CENPW: variants seen among roughly 807,000 people sequenced by gnomAD.
The protein encoded by CENPW is cancer-up-regulated gene 2 protein.
A neutral mutation model predicts 11.1 loss-of-function variants in CENPW; 3 were observed. The ratio of observed to expected loss-of-function variants is 0.27; its 90% confidence interval spans 0.12 to 0.70. CENPW has a LOEUF of 0.70. Ranked by LOEUF, CENPW falls within the 30% of genes least tolerant of loss-of-function variation. The pLI is 0.77. For synonymous variants in CENPW, 38 were observed against 42.0 expected (o/e 0.91, Z 0.37); for missense variants, 100 against 105.6 (o/e 0.95, Z 0.23).
chr6:126,433,695 A>G, the CENPW span, among the ~76,000 whole-genome samples: 4 of 152,168 alleles, frequency 2.6e-5, no homozygotes, highest in African/African-American at 9.6e-5. Flanking sequence ...ATAGTTTAAG[A>G]AAGTGCAATG....
At chr6:126,429,077 A>C in the CENPW span, among the ~76,000 whole-genome samples, 12 of 152,102 alleles carry the variant, frequency 7.9e-5, no homozygotes, top group Admixed American at 7.9e-4. Context: ...CCTGTTTCTC[A>C]TTATTAGACA....
the CENPW span, among the ~76,000 whole-genome samples, chr6:126,357,020 C>T: frequency 6.6e-6 from 1 of 152,110 alleles, no homozygotes; most frequent in Non-Finnish European, 1.5e-5. Flanking sequence ...TTTGCCAAGG[C>T]CAATGTTGAG....
chr6:126,407,121 C>T, the CENPW span, among the ~76,000 whole-genome samples: 2 of 152,088 alleles, frequency 1.3e-5, no homozygotes, highest in Non-Finnish European at 2.9e-5. Flanking sequence ...GTGTCTTGTT[C>T]CCCATTATGT....
At chr6:126,399,474 G>A in the CENPW span, among the ~76,000 whole-genome samples, 693 of 152,036 alleles carry the variant, frequency 4.6e-3, 5 homozygotes, top group African/African-American at 0.015. Context: ...TCTATTTTAC[G>A]AAGTTGATCT....
the CENPW span, among the ~76,000 whole-genome samples, chr6:126,427,962 C>T: frequency 2.0e-5 from 3 of 152,158 alleles, no homozygotes; most frequent in Admixed American, 2.0e-4. Context: ...GGGAAGAGCA[C>T]AGACCTTTAA....
At chr6:126,361,424 G>A in the CENPW span, among the ~76,000 whole-genome samples, 1 of 152,016 alleles carries the variant, frequency 6.6e-6, no homozygotes, top group African/African-American at 2.4e-5. Context: ...ACCTCCAGGG[G>A]AGCTGGGACT....
At chr6:126,416,446 C>T in the CENPW span, among the ~76,000 whole-genome samples, 2 of 152,126 alleles carry the variant, frequency 1.3e-5, no homozygotes, top group Non-Finnish European at 2.9e-5. Context: ...GCGTAATTAA[C>T]GAGCCAAATG....
At chr6:126,380,119 A>G in the CENPW span, among the ~76,000 whole-genome samples, 2 of 152,198 alleles carry the variant, frequency 1.3e-5, no homozygotes, top group Non-Finnish European at 2.9e-5. Flanking sequence ...CACAACTCCA[A>G]TTTGGAACAG....
chr6:126,470,803 T>A, the CENPW span, among the ~76,000 whole-genome samples: 1 of 152,234 alleles, frequency 6.6e-6, no homozygotes, highest in Non-Finnish European at 1.5e-5. Flanking sequence ...AGCTTTAAGA[T>A]TTAATGATGG....
chr6:126,352,074 G>T (rs1404614923), downstream of CENPW, among the ~76,000 whole-genome samples: 3 of 152,102 alleles, frequency 2.0e-5, no homozygotes, highest in Non-Finnish European at 4.4e-5. Context: ...GGTGATGCTA[G>T]TGTTGCCATC....
chr6:126,415,313 C>T, the CENPW span, among the ~76,000 whole-genome samples: 2 of 152,102 alleles, frequency 1.3e-5, no homozygotes, highest in Middle Eastern at 3.4e-3. Flanking sequence ...TATAACCTTA[C>T]AAAAGCAGAC....
the CENPW span, among the ~76,000 whole-genome samples, chr6:126,417,483 G>C: frequency 1.3e-5 from 2 of 152,158 alleles, no homozygotes; most frequent in African/African-American, 4.8e-5. Flanking sequence ...GTTTAGCTCT[G>C]TCCCCACCCA....
At chr6:126,462,559 C>T in the CENPW span, among the ~76,000 whole-genome samples, 12 of 147,904 alleles carry the variant, frequency 8.1e-5, no homozygotes, top group East Asian at 2.0e-4. Context: ...CACACACACA[C>T]GCATCTTCTC....
chr6:126,446,136 C>T, the CENPW span, among the ~76,000 whole-genome samples: 1 of 151,010 alleles, frequency 6.6e-6, no homozygotes, highest in Admixed American at 6.6e-5. Flanking sequence ...TTAAATTCAC[C>T]TGTAAAATAT....
At chr6:126,365,578 G>T in the CENPW span, among the ~76,000 whole-genome samples, 1 of 152,114 alleles carries the variant, frequency 6.6e-6, no homozygotes, top group Non-Finnish European at 1.5e-5. Context: ...CCTTCCACCA[G>T]CCCCCTCCTG....
At chr6:126,348,427 A>C (rs1415119030) in intron 2 of CENPW, 39 bp from the exon 3 acceptor site, 1 of 1,062,298 alleles carries the variant, frequency 9.4e-7, no homozygotes, top group Admixed American at 1.8e-5. Context: ...TTTATTTTTC[A>C]TAGATATAAT....
At chr6:126,349,912 G>A (rs914691716), downstream of CENPW, among the ~76,000 whole-genome samples, 13 of 152,124 alleles carry the variant, frequency 8.5e-5, no homozygotes, top group Admixed American at 3.9e-4. Context: ...GTGCAGTGGT[G>A]TGATCATAGC....
intron 1 of CENPW, among the ~76,000 whole-genome samples, chr6:126,342,808 A>G (rs1780339120): frequency 6.6e-6 from 1 of 152,080 alleles, no homozygotes; most frequent in Admixed American, 6.5e-5. Context: ...AATAGCTTCA[A>G]CATTCTGAGT....
chr6:126,353,016 C>CT (rs1301450411), downstream of CENPW, among the ~76,000 whole-genome samples: 1 of 151,986 alleles, frequency 6.6e-6, no homozygotes, highest in Non-Finnish European at 1.5e-5. Context: ...GCACTGTTGA[C>CT]TATTTCTAGA....
Sources: gnomAD v4.1 joint callset for allele counts (sites outside exome capture counted in the v4.1 genomes callset) on GRCh38, gnomAD v4.1.1 for gene constraint, MANE v1.5 for transcripts, NCBI Gene and HGNC (gene_info 2026-07-23, HGNC 2026-07-21) for gene names.